The following ARPP21 variants were observed in gnomAD, a reference collection of about 807,000 sequenced individuals.
ARPP21 encodes cAMP-regulated phosphoprotein 21.
A neutral mutation model predicts 113.2 loss-of-function variants in ARPP21; 69 were observed. The ratio of observed to expected loss-of-function variants is 0.61; its 90% CI spans 0.50 to 0.74. The LOEUF (loss-of-function observed/expected upper bound fraction) is 0.74, where lower values mean the gene tolerates loss of function less well. Ranked by LOEUF, ARPP21 falls within the 30% of genes least tolerant of loss-of-function variation. The pLI is 0.00. For missense variants in ARPP21, 1,070 were observed against 1,037.4 expected (o/e 1.03, Z -0.43); for synonymous variants, 368 against 375.5 (o/e 0.98, Z 0.23).
intron 1 of ARPP21, among the ~76,000 whole-genome samples, chr3:35,668,008 GA>G (rs1559549855): frequency 2.0e-5 from 3 of 150,392 alleles, no homozygotes; most frequent in Admixed American, 6.6e-5. Context: ...AGAAGAAGAA[GA>G]AGAAGAAGAA....
chr3:35,717,875 G>T (rs574983525), intron 13 of ARPP21, among the ~76,000 whole-genome samples: 1 of 152,100 alleles, frequency 6.6e-6, no homozygotes, highest in Non-Finnish European at 1.5e-5. Flanking sequence ...AGGATAAGGG[G>T]ATAGGATGAT....
chr3:35,689,110 G>A (rs1244624023), intron 6 of ARPP21, among the ~76,000 whole-genome samples, 197 bp from the exon 7 acceptor site: 2 of 151,460 alleles, frequency 1.3e-5, no homozygotes, highest in African/African-American at 4.8e-5. Flanking sequence ...GATTTATTGG[G>A]TGTTTTCAAT....
At chr3:35,782,509 C>G (rs977542845) in intron 19 of ARPP21, among the ~76,000 whole-genome samples, 1 of 152,010 alleles carries the variant, frequency 6.6e-6, no homozygotes, top group African/African-American at 2.4e-5. Context: ...TGTCTTGTAT[C>G]CTCAAGAGGA....
chr3:35,789,577 A>G (rs558791242), intron 19 of ARPP21, among the ~76,000 whole-genome samples: 1 of 151,974 alleles, frequency 6.6e-6, no homozygotes, highest in South Asian at 2.1e-4. Flanking sequence ...TGTGTTTACC[A>G]TGGGAACCCC....
chr3:35,772,953 A>G (rs912854945), intron 19 of ARPP21, among the ~76,000 whole-genome samples: 1 of 152,066 alleles, frequency 6.6e-6, no homozygotes, highest in Non-Finnish European at 1.5e-5. Context: ...ACAGCTGGCT[A>G]TTTTTCATAG....
intron 1 of ARPP21, among the ~76,000 whole-genome samples, chr3:35,651,284 C>T (rs773335647): frequency 2.6e-5 from 4 of 152,002 alleles, no homozygotes; most frequent in Non-Finnish European, 5.9e-5. Flanking sequence ...TTGCCTCTGA[C>T]CTGCCTCTTG....
chr3:35,686,961 A>G (rs1207770562), intron 5 of ARPP21, among the ~76,000 whole-genome samples: 1 of 151,470 alleles, frequency 6.6e-6, no homozygotes, highest in Admixed American at 6.6e-5. Context: ...GTAAATGGCC[A>G]ATCTTAAATC....
intron 19 of ARPP21, among the ~76,000 whole-genome samples, chr3:35,768,079 CGTGTGTGTGTGTGTGTGTGTGT>C (rs5847897): frequency 0.05 from 5,641 of 111,830 alleles, 181 homozygotes; most frequent in Non-Finnish European, 0.081. Flanking sequence ...CATGCTTTTC[CGTGTGTGTGTGTGTGTGTGTGT>C]GTGTGTGTGT....
At chr3:35,665,103 A>G (rs184886820) in intron 1 of ARPP21, among the ~76,000 whole-genome samples, 9 of 152,342 alleles carry the variant, frequency 5.9e-5, no homozygotes, top group African/African-American at 1.9e-4. Flanking sequence ...AGCTGAGTGG[A>G]CCACCCTAAC....
chr3:35,676,977 C>G (rs535844943), intron 1 of ARPP21, among the ~76,000 whole-genome samples: 1 of 151,844 alleles, frequency 6.6e-6, no homozygotes, highest in South Asian at 2.1e-4. Context: ...AGAACCATGC[C>G]CAGCTTAAAA....
intron 14 of ARPP21, among the ~76,000 whole-genome samples, chr3:35,728,362 G>A (rs2093693698): frequency 6.6e-6 from 1 of 151,194 alleles, no homozygotes; most frequent in Non-Finnish European, 1.5e-5. Context: ...GGGACTACAG[G>A]CACGTGCCAC....
chr3:35,686,614 T>G (rs2080682779), intron 5 of ARPP21, among the ~76,000 whole-genome samples: 1 of 151,624 alleles, frequency 6.6e-6, no homozygotes, highest in Admixed American at 6.6e-5. Context: ...TTTAGTCACA[T>G]GTAGTGTGAG....
intron 19 of ARPP21, among the ~76,000 whole-genome samples, chr3:35,770,256 T>C (rs2096150468): frequency 6.6e-6 from 1 of 152,204 alleles, no homozygotes; most frequent in Non-Finnish European, 1.5e-5. Context: ...CTAAAATTCC[T>C]CCTTTTATTC....
intron 9 of ARPP21, among the ~76,000 whole-genome samples, chr3:35,692,314 A>G (rs974102619): frequency 6.6e-6 from 1 of 151,686 alleles, no homozygotes; most frequent in African/African-American, 2.4e-5. Context: ...AATAGTAGTA[A>G]AAATTAAAGG....
intron 14 of ARPP21, among the ~76,000 whole-genome samples, chr3:35,723,210 C>T (rs2093263013): frequency 6.6e-6 from 1 of 152,164 alleles, no homozygotes; most frequent in African/African-American, 2.4e-5. Flanking sequence ...TTTTCCCAAT[C>T]ACCCTTTACA....
chr3:35,713,769 C>T (rs1026212465), intron 11 of ARPP21, among the ~76,000 whole-genome samples: 1 of 152,132 alleles, frequency 6.6e-6, no homozygotes, highest in Non-Finnish European at 1.5e-5. Context: ...CCCCCAAATG[C>T]TATTAGATTG....
chr3:35,767,165 C>A (rs548526897), intron 19 of ARPP21, among the ~76,000 whole-genome samples: 6 of 152,260 alleles, frequency 3.9e-5, no homozygotes, highest in African/African-American at 2.4e-5. Flanking sequence ...TACAGACAGT[C>A]ATTTCAATAA....
chr3:35,691,804 T>TG (rs1241298141), intron 9 of ARPP21, among the ~76,000 whole-genome samples: 2 of 151,614 alleles, frequency 1.3e-5, no homozygotes, highest in Non-Finnish European at 3.0e-5. Context: ...CTAAAAAAAC[T>TG]GCCCACATAA....
At chr3:35,713,692 A>G (rs567295805) in intron 11 of ARPP21, among the ~76,000 whole-genome samples, 1 of 152,198 alleles carries the variant, frequency 6.6e-6, no homozygotes, top group South Asian at 2.1e-4. Flanking sequence ...CCACTTTGGC[A>G]TGGGCAAGGT....
Sources: allele counts gnomAD v4.1 joint callset (sites outside exome capture counted in the v4.1 genomes callset), GRCh38; gene constraint gnomAD v4.1.1; transcripts MANE v1.5; gene names NCBI Gene and HGNC (gene_info 2026-07-23, HGNC 2026-07-21).